MRPS31: variants seen among roughly 807,000 people sequenced by gnomAD.
MRPS31 encodes the protein small ribosomal subunit protein mS31.
In MRPS31, 32 loss-of-function variants were observed where a neutral mutation model predicts 43.1. The ratio of observed to expected loss-of-function variants is 0.74; its 90% CI spans 0.56 to 1.00. The LOEUF is 1.00. Among genes scored for constraint, MRPS31 ranks in the 50% least tolerant of loss-of-function variants. The probability of loss-of-function intolerance (pLI) is 0.00; values close to 1 mark genes in which losing one functional copy is unlikely to be tolerated. For synonymous variants in MRPS31, 165 were observed against 161.6 expected (o/e 1.02, Z -0.16); for missense variants, 437 against 466.7 (o/e 0.94, Z 0.59).
chr13:40,750,744 A>T (rs1447770978), intron 5 of MRPS31, among the ~76,000 whole-genome samples: 2 of 19,224 alleles, frequency 1.0e-4, no homozygotes, highest in Non-Finnish European at 1.4e-4. Context: ...ATCCCATTTT[A>T]TATATATATA....
Position 40,769,250 on chromosome 13 carries a change from C to T in MRPS31, c.152+1735G>A, listed in dbSNP as rs183714507. ...AATTAGCCAGGTGTGGTGGTGGGTG[C>T]CTGTAGTCCCAGCTACTTGGGAGGC... On this transcript the variant is annotated intron_variant, in intron 1 of 6. Transcript: ENST00000323563. Among the ~76,000 whole-genome samples, 491 of 150,936 alleles carry T rather than the reference C, an allele frequency of 3.3e-3. 3 individuals are homozygous for T. The highest frequency in any genetic ancestry group is 0.011 in the African/African-American group (473 of 41,182).
chr13:40,731,252 CAAAAAAAAAA>C (rs1161901636), intron 6 of MRPS31: 1 of 64,664 alleles, frequency 1.5e-5, no homozygotes, highest in Non-Finnish European at 3.1e-5. Flanking sequence ...GACCCTGTCT[CAAAAAAAAAA>C]AAAAAAAAGC....
intron 6 of MRPS31, among the ~76,000 whole-genome samples, chr13:40,744,593 G>T (rs112899280): frequency 1.3e-5 from 2 of 152,170 alleles, no homozygotes; most frequent in African/African-American, 4.8e-5. Context: ...ATAGAGTCGC[G>T]CTCTGTAGCC....
At chr13:40,745,934 G>A (rs750124517) in intron 6 of MRPS31, among the ~76,000 whole-genome samples, 5 of 152,084 alleles carry the variant, frequency 3.3e-5, no homozygotes, top group East Asian at 1.9e-4. Context: ...ACCTAATAGC[G>A]CTTGTAAATC....
At chr13:40,766,696 A>G (rs748583117) in intron 2 of MRPS31, 50 bp downstream of exon 2, 3 of 1,514,050 alleles carry the variant, frequency 2.0e-6, no homozygotes, top group Admixed American at 2.2e-5. Context: ...TTACCAAAAC[A>G]AAAAGCTTAC....
chr13:40,750,177 T>C (rs1296900776), intron 5 of MRPS31, among the ~76,000 whole-genome samples: 1 of 152,160 alleles, frequency 6.6e-6, no homozygotes, highest in African/African-American at 2.4e-5. Context: ...CATGCAATTG[T>C]ATACTACTCA....
At chr13:40,751,591 A>G (rs577352732) in intron 5 of MRPS31, among the ~76,000 whole-genome samples, 138 of 152,358 alleles carry the variant, frequency 9.1e-4, no homozygotes, top group Non-Finnish European at 1.6e-3. Flanking sequence ...GGAACAAGAC[A>G]TGGGAATCAT....
At chr13:40,731,162 G>C (rs1317931652) in intron 6 of MRPS31, 2 of 151,666 alleles carry the variant, frequency 1.3e-5, no homozygotes, top group Non-Finnish European at 2.9e-5. Context: ...GCTGAGGTGG[G>C]AGGATCACCT....
At chr13:40,759,887 T>C (rs1168944995) in intron 2 of MRPS31, among the ~76,000 whole-genome samples, 1 of 152,132 alleles carries the variant, frequency 6.6e-6, no homozygotes, top group Non-Finnish European at 1.5e-5. Flanking sequence ...GATATATCCA[T>C]ACAATGGAAG....
At chr13:40,733,561 T>A (rs1371750780) in intron 6 of MRPS31, among the ~76,000 whole-genome samples, 1 of 152,126 alleles carries the variant, frequency 6.6e-6, no homozygotes, top group Non-Finnish European at 1.5e-5. Flanking sequence ...CTGAAACTTA[T>A]GAATATTATG....
chr13:40,734,231 T>C (rs1879804475), intron 6 of MRPS31, among the ~76,000 whole-genome samples: 1 of 152,126 alleles, frequency 6.6e-6, no homozygotes, highest in Admixed American at 6.5e-5. Context: ...ATTTTATATA[T>C]CAAGGGTCTC....
chr13:40,768,438 A>ATT (rs1880910873), intron 1 of MRPS31, among the ~76,000 whole-genome samples: 1 of 141,408 alleles, frequency 7.1e-6, no homozygotes. Context: ...TATGCATAAA[A>ATT]ATTTTTTTTT....
chr13:40,766,741 T>G lies in MRPS31; in HGVS notation c.440+5A>C. 6.4e-7 allele frequency: 1 copy of G among 1,574,596 alleles called. No individual in the cohort carries two copies. Among genetic ancestry groups the G allele is most frequent in the South Asian group, 1.2e-5 (1 of 84,608 alleles). On this transcript the variant is annotated splice_donor_5th_base_variant and intron_variant, in intron 2 of 6. Coordinates refer to ENST00000323563, the MANE Select transcript of MRPS31 (RefSeq NM_005830.4). Reference sequence around the variant, plus strand: ...AAACAACATCTGAATTACAATTAAATTTACCTCTTCTTTGGAGCATATTCT... The same window carrying G: ...AAACAACATCTGAATTACAATTAAAGTTACCTCTTCTTTGGAGCATATTCT...
In MRPS31 at chr13:40,759,123, AAAAC is replaced by A; in HGVS notation, c.441-21_441-18del. The A allele has an allele frequency of 1.3e-6, 2 of 1,557,492 alleles. No individual in the cohort carries two copies. Among genetic ancestry groups the A allele is most frequent in the Non-Finnish European group, 1.7e-6 (2 of 1,154,760 alleles). On this transcript the variant is annotated intron_variant, in intron 2 of 6. Transcript: ENST00000323563. ...GGCTCAATTCTGAAAAAGAAAATGA[AAAAC>A]AAATGAGAAAGAAAAAAAAAGAGAG... is the stretch of plus-strand genomic sequence containing the variant.
At position 40,729,409 on chromosome 13, in the gene MRPS31, T is replaced by C; in HGVS notation, c.1151A>G (p.Lys384Arg). The change falls in exon 7 of 7, where the codon AAG (lysine) becomes AGG (arginine). Residue 384 changes from lysine to arginine, a missense_variant. Coordinates refer to ENST00000323563, the MANE Select transcript of MRPS31 (RefSeq NM_005830.4). ...EWFRNYFNEK[K>R]DILKESNIQF... The stretch of plus-strand genomic sequence containing the variant: ...TATGTTACTTTCTTTTAGAATATCC[T>C]TTTTTTCATTAAAATAATTTCTAAA... The C allele has an allele frequency of 6.4e-7, 1 of 1,558,346 alleles. No individual in the cohort carries two copies. Among genetic ancestry groups the C allele is most frequent in the Non-Finnish European group, 8.8e-7 (1 of 1,136,478 alleles).
At chr13:40,767,785 T>C (rs1880892578) in intron 1 of MRPS31, among the ~76,000 whole-genome samples, 1 of 152,262 alleles carries the variant, frequency 6.6e-6, no homozygotes. Flanking sequence ...CTGCAAGTCC[T>C]TGCTCTTAAC....
At chr13:40,751,117 C>A (rs1880379935) in intron 5 of MRPS31, among the ~76,000 whole-genome samples, 1 of 152,118 alleles carries the variant, frequency 6.6e-6, no homozygotes, top group Non-Finnish European at 1.5e-5. Context: ...TATCTAGCCA[C>A]ACACTGACTG....
At chr13:40,739,309 A>G (rs1259290623) in intron 6 of MRPS31, among the ~76,000 whole-genome samples, 1 of 152,224 alleles carries the variant, frequency 6.6e-6, no homozygotes, top group Non-Finnish European at 1.5e-5. Context: ...AAATGGAAGA[A>G]CATTCCATGC....
intron 6 of MRPS31, among the ~76,000 whole-genome samples, chr13:40,736,970 A>G (rs1192217201): frequency 2.0e-3 from 261 of 130,348 alleles, no homozygotes; most frequent in Admixed American, 2.8e-3. Flanking sequence ...TGCTCCAATT[A>G]AAAGACACAG....
Sources: allele counts gnomAD v4.1 joint callset (sites outside exome capture counted in the v4.1 genomes callset), GRCh38; gene constraint gnomAD v4.1.1; transcripts MANE v1.5; gene names NCBI Gene and HGNC (gene_info 2026-07-23, HGNC 2026-07-21).